Variants in ADGRD1 observed in about 807,000 individuals in gnomAD.
ADGRD1 encodes adhesion G protein-coupled receptor D1.
In ADGRD1, 77 loss-of-function variants were observed where a neutral mutation model predicts 113.4. The ratio of observed to expected loss-of-function variants is 0.68; its 90% CI spans 0.57 to 0.82. The LOEUF (loss-of-function observed/expected upper bound fraction) is 0.82, where lower values mean the gene tolerates loss of function less well. ADGRD1 is among the 40% of genes least tolerant of loss of function. The pLI is 0.00. For synonymous variants in ADGRD1, 474 were observed against 475.0 expected (o/e 1.00, Z 0.03); for missense variants, 1,036 against 1,139.1 (o/e 0.91, Z 1.30).
At chr12:131,107,145 G>A (rs1432787038) in intron 17 of ADGRD1, among the ~76,000 whole-genome samples, 2 of 151,846 alleles carry the variant, frequency 1.3e-5, no homozygotes, top group African/African-American at 4.8e-5. Flanking sequence ...CTCAATCCCA[G>A]GGAAGGGCTC....
chr12:131,016,455 TCC>T (rs1878583351), intron 13 of ADGRD1, among the ~76,000 whole-genome samples: 1 of 152,212 alleles, frequency 6.6e-6, no homozygotes, highest in Non-Finnish European at 1.5e-5. Flanking sequence ...GCACAGGCTG[TCC>T]CCTCTGCCGT....
At chr12:131,005,239 A>G (rs959761125) in intron 11 of ADGRD1, among the ~76,000 whole-genome samples, 1 of 152,196 alleles carries the variant, frequency 6.6e-6, no homozygotes, top group African/African-American at 2.4e-5. Flanking sequence ...CTACCCCAGA[A>G]GCCAAGGGAA....
Position 131,136,999 on chromosome 12 carries a change from T to C in ADGRD1, c.2421T>C (p.Cys807=). The C allele has an allele frequency of 3.7e-6, 6 of 1,612,764 alleles. No individual in the cohort carries two copies. Among genetic ancestry groups the C allele is most frequent in the Non-Finnish European group, 5.1e-6 (6 of 1,178,750 alleles). ...LQGLFIFLFH[C]LLNSEVRAAF... ...GACTGTTCATATTCCTCTTTCATTG[T>C]CTCCTGAATTCAGAGGTACGTCCGC... The change falls in exon 23 of 25, where the codon TGT becomes TGC. Residue 807 remains cysteine, a synonymous_variant. Transcript: ENST00000261654.
At chr12:130,969,464 T>C in intron 3 of ADGRD1, 2 of 196,624 alleles carry the variant, frequency 1.0e-5, no homozygotes, top group Non-Finnish European at 2.1e-5. Context: ...TAAATTCTCT[T>C]GGGAGCACAA....
intron 20 of ADGRD1, among the ~76,000 whole-genome samples, chr12:131,131,288 G>A (rs997146452): frequency 1.1e-4 from 17 of 152,332 alleles, no homozygotes; most frequent in Non-Finnish European, 1.8e-4. Context: ...GGGCCGGGGC[G>A]GGAGATGAGA....
At chr12:131,018,694 C>T (rs1236518451) in intron 13 of ADGRD1, among the ~76,000 whole-genome samples, 1 of 152,204 alleles carries the variant, frequency 6.6e-6, no homozygotes, top group Non-Finnish European at 1.5e-5. Flanking sequence ...ACACAAAGGG[C>T]AAATCAATGT....
chr12:131,122,960 C>G (rs968031521), intron 20 of ADGRD1, among the ~76,000 whole-genome samples: 2 of 151,720 alleles, frequency 1.3e-5, no homozygotes, highest in Admixed American at 1.3e-4. Flanking sequence ...CCCTACCCCA[C>G]TCCTTGTTGT....
intron 8 of ADGRD1, among the ~76,000 whole-genome samples, chr12:130,995,246 G>A (rs1379849232): frequency 6.6e-6 from 1 of 152,178 alleles, no homozygotes; most frequent in Admixed American, 6.5e-5. Flanking sequence ...AGGCCAGGCA[G>A]GGCTGCCCTC....
At chr12:131,133,055 C>T (rs903575209) in intron 21 of ADGRD1, among the ~76,000 whole-genome samples, 8 of 152,124 alleles carry the variant, frequency 5.3e-5, no homozygotes, top group Non-Finnish European at 7.4e-5. Context: ...GTGCCCCGTG[C>T]GAGAAGAGAT....
chr12:131,010,929 A>G (rs1308691462), intron 12 of ADGRD1, among the ~76,000 whole-genome samples: 1 of 152,128 alleles, frequency 6.6e-6, no homozygotes, highest in African/African-American at 2.4e-5. Context: ...TCCTGGCCCC[A>G]CTATCTGCTC....
intron 20 of ADGRD1, 90 bp downstream of exon 20, chr12:131,121,003 T>C: frequency 8.5e-7 from 1 of 1,182,720 alleles, no homozygotes; most frequent in Non-Finnish European, 1.2e-6. Context: ...GGGGGCTCCC[T>C]GAGGAGCTTC....
intron 18 of ADGRD1, among the ~76,000 whole-genome samples, chr12:131,112,540 C>T (rs1012575548): frequency 3.3e-5 from 5 of 152,210 alleles, no homozygotes; most frequent in Non-Finnish European, 5.9e-5. Flanking sequence ...GTCGCGGAGC[C>T]ACCAGCTTCC....
intron 20 of ADGRD1, among the ~76,000 whole-genome samples, chr12:131,121,495 C>T (rs1445971977): frequency 6.6e-6 from 1 of 152,084 alleles, no homozygotes; most frequent in African/African-American, 2.4e-5. Context: ...ATTCTCCTGC[C>T]TCACTCTCCC....
intron 2 of ADGRD1, among the ~76,000 whole-genome samples, chr12:130,964,464 T>C (rs902103577): frequency 3.0e-4 from 45 of 152,262 alleles, no homozygotes; most frequent in African/African-American, 9.9e-4. Flanking sequence ...GGCAGGTGGA[T>C]CACCTGAGGT....
At chr12:131,059,487 T>C (rs1026099627) in intron 13 of ADGRD1, among the ~76,000 whole-genome samples, 45 of 152,320 alleles carry the variant, frequency 3.0e-4, no homozygotes, top group African/African-American at 1.1e-3. Context: ...AGCCCATCCA[T>C]TGAGATTTTG....
intron 5 of ADGRD1, among the ~76,000 whole-genome samples, chr12:130,983,389 TC>T (rs1213047084): frequency 6.6e-6 from 1 of 152,260 alleles, no homozygotes; most frequent in East Asian, 1.9e-4. Context: ...AATCTCTGCC[TC>T]CCTCCCCTGA....
chr12:131,039,724 C>T (rs1012870118), intron 13 of ADGRD1, among the ~76,000 whole-genome samples: 3 of 152,360 alleles, frequency 2.0e-5, no homozygotes, highest in East Asian at 1.9e-4. Flanking sequence ...GGCTGGTCCA[C>T]GCCCCTGCCG....
intron 2 of ADGRD1, chr12:130,962,423 T>C (rs2136484698): frequency 6.6e-6 from 1 of 152,344 alleles, no homozygotes; most frequent in Non-Finnish European, 1.5e-5. Context: ...GTTTATTTTA[T>C]AAAGATGAGG....
At position 130,984,869 on chromosome 12, in the gene ADGRD1, C is replaced by T. The variant is rs1289188514; in HGVS notation, c.491-2226C>T. On this transcript the variant is annotated intron_variant, in intron 5 of 24. Transcript: ENST00000261654. The surrounding 1 kb of genome is among the most constrained non-coding windows in gnomAD (Gnocchi z 4.1). ...CCATCCTCCCTTGCTCCCTTCCTTT[C>T]CTTCTTTCCTTCCTTCTTTCTTCTC... Among the ~76,000 whole-genome samples, 1 of 147,792 alleles carries T rather than the reference C, an allele frequency of 6.8e-6. No homozygotes were observed. Among genetic ancestry groups the T allele is most frequent in the African/African-American group, 2.5e-5 (1 of 40,380 alleles).
Sources: gnomAD v4.1 joint callset for allele counts (sites outside exome capture counted in the v4.1 genomes callset) on GRCh38, gnomAD v4.1.1 for gene constraint, Gnocchi (gnomAD v3.1) non-coding constraint, MANE v1.5 for transcripts, NCBI Gene and HGNC (gene_info 2026-07-23, HGNC 2026-07-21) for gene names.